The following CUEDC1 variants were observed in gnomAD, a reference collection of about 807,000 sequenced individuals.
CUEDC1 encodes the protein CUE domain containing 1.
A neutral mutation model predicts 43.7 loss-of-function variants in CUEDC1; 30 were observed. The observed-to-expected ratio is 0.69, with a 90% CI of 0.51 to 0.93. The LOEUF (loss-of-function observed/expected upper bound fraction) is 0.93, where lower values mean the gene tolerates loss of function less well. CUEDC1 is among the 40% of genes least tolerant of loss of function. The probability of loss-of-function intolerance (pLI) is 0.00; values close to 1 mark genes in which losing one functional copy is unlikely to be tolerated. For synonymous variants in CUEDC1, 223 were observed against 223.6 expected (o/e 1.00, Z 0.02); for missense variants, 486 against 549.0 (o/e 0.89, Z 1.15).
intron 1 of CUEDC1, among the ~76,000 whole-genome samples, chr17:57,918,408 G>A (rs2074665095): frequency 6.6e-6 from 1 of 152,152 alleles, no homozygotes; most frequent in Admixed American, 6.5e-5. Flanking sequence ...CCTCACCCTG[G>A]TATCCCGCCC....
chr17:57,928,556 AAAAAAAAAG>A (rs1371699847), intron 1 of CUEDC1, among the ~76,000 whole-genome samples: 2 of 151,294 alleles, frequency 1.3e-5, no homozygotes, highest in East Asian at 3.9e-4. Context: ...CAAAAAAAAA[AAAAAAAAAG>A]AACCTAGGGC....
At chr17:57,931,553 T>TG (rs964337915) in intron 1 of CUEDC1, among the ~76,000 whole-genome samples, 1 of 151,938 alleles carries the variant, frequency 6.6e-6, no homozygotes, top group East Asian at 1.9e-4. Flanking sequence ...GTTCCTGCAG[T>TG]GGGGGGAAAG....
chr17:57,950,908 T>C lies in CUEDC1; in HGVS notation c.-316+4317A>G, dbSNP rs989237715. Among the ~76,000 whole-genome samples, 8 of 152,240 alleles carry C rather than the reference T, an allele frequency of 5.3e-5. 1 individual carries two copies. Among genetic ancestry groups the C allele is most frequent in the Non-Finnish European group, 1.2e-4 (8 of 68,040 alleles). On this transcript the variant is annotated intron_variant, in intron 1 of 10. Transcript: ENST00000577830. ...GCCATTCAACCCTTCTCACTGGTTA[T>C]GCCTCCTCACCCCTCCCCCAGCTTA... is the stretch of plus-strand genomic sequence containing the variant.
chr17:57,870,679 CTT>C (rs35465474), intron 6 of CUEDC1, among the ~76,000 whole-genome samples: 43,640 of 144,844 alleles, frequency 0.3, 6,568 homozygotes, highest in Non-Finnish European at 0.32. Flanking sequence ...TCCTTTTCTT[CTT>C]TTTTTTTTTT....
At chr17:57,870,973 G>A (rs1422930932) in intron 6 of CUEDC1, among the ~76,000 whole-genome samples, 8 of 152,144 alleles carry the variant, frequency 5.3e-5, no homozygotes, top group African/African-American at 1.9e-4. Context: ...GTGAGCCACC[G>A]CACCTGGCCA....
chr17:57,885,026 C>A (rs1172170731), intron 2 of CUEDC1, among the ~76,000 whole-genome samples: 1 of 152,266 alleles, frequency 6.6e-6, no homozygotes, highest in Non-Finnish European at 1.5e-5. Flanking sequence ...TGCATGATTT[C>A]TGCCCATAAA....
chr17:57,879,655 C>G lies in CUEDC1; in HGVS notation c.420G>C (p.Val140=). ...GAGCCAGAGGGTAGGGCCGGTCGAA[C>G]ACGTGCATGTGGTAGGCTGGCGGGG... ...VYSPPAYHMH[V]FDRPYPLAPP... is the part of the protein sequence containing the mutation. The change falls in exon 3 of 11, where the codon GTG becomes GTC. Residue 140 remains valine (V), a synonymous_variant. Coordinates refer to ENST00000577830, the MANE Select transcript of CUEDC1 (RefSeq NM_001271875.2). 7 of 1,604,212 alleles carry G rather than the reference C, an allele frequency of 4.4e-6. No homozygotes were observed. The highest frequency in any genetic ancestry group is 5.9e-6 in the Non-Finnish European group (7 of 1,176,776).
At chr17:57,910,475 C>G (rs1399124749) in intron 1 of CUEDC1, among the ~76,000 whole-genome samples, 1 of 151,708 alleles carries the variant, frequency 6.6e-6, no homozygotes, top group Non-Finnish European at 1.5e-5. Context: ...AATATATATG[C>G]CTAGGGCGGG....
intron 1 of CUEDC1, among the ~76,000 whole-genome samples, chr17:57,928,374 C>T (rs2074769295): frequency 6.6e-6 from 1 of 151,902 alleles, no homozygotes; most frequent in South Asian, 2.1e-4. Flanking sequence ...ACGGTGAAAC[C>T]CCATCTCTAC....
At chr17:57,867,008 C>T (rs1241529873) in intron 9 of CUEDC1, 8 of 411,292 alleles carry the variant, frequency 1.9e-5, no homozygotes, top group Non-Finnish European at 4.5e-6. Context: ...GGCCCACAGA[C>T]TGAAGCTGCC....
intron 1 of CUEDC1, among the ~76,000 whole-genome samples, chr17:57,904,888 C>T (rs189427985): frequency 1.3e-5 from 2 of 152,264 alleles, no homozygotes; most frequent in Admixed American, 1.3e-4. Flanking sequence ...GCAGGCCACC[C>T]ACCGGGTCCA....
intron 1 of CUEDC1, among the ~76,000 whole-genome samples, chr17:57,909,183 G>A (rs756107657): frequency 1.6e-4 from 24 of 151,966 alleles, no homozygotes; most frequent in Non-Finnish European, 2.4e-4. Context: ...CTGTCATGGC[G>A]AGACGGGGTT....
chr17:57,940,267 A>T (rs1355716103), intron 1 of CUEDC1, among the ~76,000 whole-genome samples: 4 of 152,260 alleles, frequency 2.6e-5, no homozygotes, highest in Non-Finnish European at 4.4e-5. Flanking sequence ...AAAAAAAAAA[A>T]AAATGGTGGC....
chr17:57,879,844 T>C (rs2074180139), intron 2 of CUEDC1, 106 bp from the exon 3 acceptor site: 3 of 1,159,602 alleles, frequency 2.6e-6, no homozygotes, highest in Non-Finnish European at 3.6e-6. Context: ...AAAGGAACTC[T>C]GTGTGTTGCT....
chr17:57,873,604 A>G lies in CUEDC1; in HGVS notation c.578T>C (p.Leu193Pro), dbSNP rs879220874. The G allele has an allele frequency of 6.3e-7, 1 of 1,592,964 alleles. No individual in the cohort carries two copies. Among genetic ancestry groups the G allele is most frequent in the Non-Finnish European group, 8.6e-7 (1 of 1,169,114 alleles). ...DDFLRILPQQ[L>P]DSIQGNAGGP... The stretch of plus-strand genomic sequence containing the variant: ...GGCCCCTGTTACCTGTATGCTGTCC[A>G]GCTGCTGGGGCAGGATGCGGAGAAA... The change falls in exon 4 of 11, where the codon CTG becomes CCG. Residue 193 changes from leucine to proline, a missense_variant. Coordinates refer to ENST00000577830, the MANE Select transcript of CUEDC1 (RefSeq NM_001271875.2).
chr17:57,901,251 C>T (rs1373564232), intron 1 of CUEDC1, among the ~76,000 whole-genome samples: 1 of 152,224 alleles, frequency 6.6e-6, no homozygotes, highest in Non-Finnish European at 1.5e-5. Flanking sequence ...AGACTCTTTT[C>T]ACCTCCAACA....
At chr17:57,950,294 G>T (rs2074993766) in intron 1 of CUEDC1, among the ~76,000 whole-genome samples, 1 of 151,702 alleles carries the variant, frequency 6.6e-6, no homozygotes, top group African/African-American at 2.4e-5. Flanking sequence ...GGGACTACAG[G>T]CGCCTGCCGC....
At chr17:57,951,912 C>A (rs1224539703) in intron 1 of CUEDC1, among the ~76,000 whole-genome samples, 3 of 152,226 alleles carry the variant, frequency 2.0e-5, no homozygotes, top group Non-Finnish European at 4.4e-5. Context: ...AGACATTTAG[C>A]TGCATCATCA....
rs747447072 is a variant in CUEDC1, at chr17:57,897,624, C to T, written c.-315-11745G>A. On this transcript the variant is annotated intron_variant, in intron 1 of 10. Coordinates refer to ENST00000577830, the MANE Select transcript of CUEDC1 (RefSeq NM_001271875.2). The stretch of plus-strand genomic sequence containing the variant: ...GGCGGAGCTTGCAGTGAGCCAAGAC[C>T]GTGCCACTGCACTCCAGCCTGGTCT... 6.1e-5 allele frequency among the ~76,000 whole-genome samples: 9 copies of T among 148,618 alleles called. No homozygotes were observed. The Admixed American group carries it at 6.1e-4, about 10-fold the overall frequency.
Sources: allele counts gnomAD v4.1 joint callset (sites outside exome capture counted in the v4.1 genomes callset), GRCh38; gene constraint gnomAD v4.1.1; transcripts MANE v1.5; gene names NCBI Gene and HGNC (gene_info 2026-07-23, HGNC 2026-07-21).